The following EYA4 variants were observed in gnomAD, a reference collection of about 807,000 sequenced individuals.
EYA4 encodes the protein protein phosphatase EYA4.
In EYA4, 31 loss-of-function variants were observed where a neutral mutation model predicts 87.9. The observed-to-expected ratio is 0.35, with a 90% CI of 0.27 to 0.48. The LOEUF (loss-of-function observed/expected upper bound fraction) is 0.48. Among genes scored for constraint, EYA4 ranks in the 20% least tolerant of loss-of-function variants. The pLI is 0.99. For synonymous variants in EYA4, 263 were observed against 270.6 expected, an observed-to-expected ratio of 0.97 and a Z score of 0.28; for missense variants, 678 against 761.4, an observed-to-expected ratio of 0.89 and a Z score of 1.29.
At chr6:133,454,096 G>A (rs1328172534) in intron 5 of EYA4, among the ~76,000 whole-genome samples, 1 of 152,062 alleles carries the variant, frequency 6.6e-6, no homozygotes, top group African/African-American at 2.4e-5. Context: ...TTCATGTCTG[G>A]CTTCTAGACC....
intron 13 of EYA4, among the ~76,000 whole-genome samples, chr6:133,488,113 C>G (rs1796835303): frequency 6.6e-6 from 1 of 152,134 alleles, no homozygotes; most frequent in Non-Finnish European, 1.5e-5. Flanking sequence ...TGCCATGGGC[C>G]TGGAGCAGTC....
chr6:133,241,189 T>C (rs1359358889), upstream of EYA4, among the ~76,000 whole-genome samples: 4 of 151,148 alleles, frequency 2.6e-5, no homozygotes, highest in African/African-American at 9.7e-5. Flanking sequence ...ACGGAGTGGG[T>C]CCCCCGCGCG....
At chr6:133,517,970 C>T (rs1019789805) in intron 17 of EYA4, among the ~76,000 whole-genome samples, 1 of 152,142 alleles carries the variant, frequency 6.6e-6, no homozygotes, top group African/African-American at 2.4e-5. Flanking sequence ...AGGAATCCTG[C>T]AAGGGAGATT....
At chr6:133,451,882 G>A (rs1303255649) in intron 5 of EYA4, among the ~76,000 whole-genome samples, 1 of 152,158 alleles carries the variant, frequency 6.6e-6, no homozygotes, top group Admixed American at 6.5e-5. Flanking sequence ...CTGTAGAGAT[G>A]ATTGACTCAC....
chr6:133,518,310 T>C (rs1324332625), intron 17 of EYA4, among the ~76,000 whole-genome samples: 1 of 151,764 alleles, frequency 6.6e-6, no homozygotes, highest in African/African-American at 2.4e-5. Flanking sequence ...ATTCCAGAAA[T>C]AAATAAAGAT....
At chr6:133,316,167 T>A (rs1780605326) in intron 2 of EYA4, among the ~76,000 whole-genome samples, 1 of 152,148 alleles carries the variant, frequency 6.6e-6, no homozygotes, top group Non-Finnish European at 1.5e-5. Context: ...CTAATTCTCT[T>A]AAAAGCCTGA....
At chr6:133,352,983 A>G (rs545077553) in intron 2 of EYA4, among the ~76,000 whole-genome samples, 2 of 152,160 alleles carry the variant, frequency 1.3e-5, no homozygotes, top group African/African-American at 2.4e-5. Context: ...TGTATCTACA[A>G]GTTCAAATGA....
intron 13 of EYA4, among the ~76,000 whole-genome samples, chr6:133,497,085 G>C (rs1451180842): frequency 2.0e-5 from 3 of 152,142 alleles, no homozygotes; most frequent in Non-Finnish European, 4.4e-5. Context: ...TTGGCTGAGT[G>C]TCCTGTGAAA....
chr6:133,366,380 A>G, intron 2 of EYA4, among the ~76,000 whole-genome samples: 1 of 152,178 alleles, frequency 6.6e-6, no homozygotes, highest in East Asian at 1.9e-4. Flanking sequence ...GAGAGTTTAG[A>G]ACTAAGAGGA....
chr6:133,307,437 T>C (rs1436275555), intron 2 of EYA4, among the ~76,000 whole-genome samples: 1 of 152,220 alleles, frequency 6.6e-6, no homozygotes, highest in Non-Finnish European at 1.5e-5. Flanking sequence ...ATAATTTCTC[T>C]TTTAAAGATG....
chr6:133,334,924 C>T (rs1277231303), intron 2 of EYA4, among the ~76,000 whole-genome samples: 1 of 152,144 alleles, frequency 6.6e-6, no homozygotes, highest in East Asian at 1.9e-4. Flanking sequence ...CAAATAGCTA[C>T]ATATAGCTCT....
intron 6 of EYA4, among the ~76,000 whole-genome samples, chr6:133,459,176 C>A (rs542086079): frequency 4.6e-5 from 7 of 152,076 alleles, no homozygotes; most frequent in Admixed American, 2.0e-4. Context: ...AACTTTCCTA[C>A]GTGAACATCG....
At chr6:133,293,340 C>T (rs2063843817) in intron 2 of EYA4, among the ~76,000 whole-genome samples, 1 of 151,954 alleles carries the variant, frequency 6.6e-6, no homozygotes, top group East Asian at 1.9e-4. Flanking sequence ...CATTTTAATT[C>T]ACATGTAGAC....
At chr6:133,280,672 G>T (rs1225044600) in intron 2 of EYA4, among the ~76,000 whole-genome samples, 1 of 152,094 alleles carries the variant, frequency 6.6e-6, no homozygotes, top group Non-Finnish European at 1.5e-5. Flanking sequence ...TGGGATTACA[G>T]GTGTGAGCCA....
intron 2 of EYA4, among the ~76,000 whole-genome samples, chr6:133,379,558 A>T (rs754058843): frequency 1.2e-4 from 18 of 152,152 alleles, no homozygotes; most frequent in Non-Finnish European, 2.6e-4. Context: ...AATACAGATA[A>T]AAAGATCTGA....
At chr6:133,285,106 C>T (rs1322596350) in intron 2 of EYA4, among the ~76,000 whole-genome samples, 1 of 150,418 alleles carries the variant, frequency 6.6e-6, no homozygotes, top group African/African-American at 2.4e-5. Context: ...ACGCCATTCT[C>T]CTGCCTCAGC....
intron 2 of EYA4, among the ~76,000 whole-genome samples, chr6:133,370,754 G>T (rs1397146322): frequency 6.6e-6 from 1 of 152,054 alleles, no homozygotes; most frequent in Non-Finnish European, 1.5e-5. Flanking sequence ...TTTGAAATTT[G>T]TGCTGAATTT....
At chr6:133,377,604 G>T (rs1057351177) in intron 2 of EYA4, among the ~76,000 whole-genome samples, 74 of 147,646 alleles carry the variant, frequency 5.0e-4, no homozygotes, top group Non-Finnish European at 9.8e-4. Flanking sequence ...TTGGGGTGGT[G>T]GCGGAGGTGG....
At chr6:133,513,587 A>G (rs1799346813) in intron 16 of EYA4, among the ~76,000 whole-genome samples, 1 of 152,212 alleles carries the variant, frequency 6.6e-6, no homozygotes, top group Non-Finnish European at 1.5e-5. Context: ...ATAGTTTTTA[A>G]AAGTTCAAAT....
Sources: allele counts gnomAD v4.1 joint callset (sites outside exome capture counted in the v4.1 genomes callset), GRCh38; gene constraint gnomAD v4.1.1; transcripts MANE v1.5; gene names NCBI Gene and HGNC (gene_info 2026-07-23, HGNC 2026-07-21).